The following SPACA7 variants were observed in gnomAD, a reference collection of about 807,000 sequenced individuals.
The protein encoded by SPACA7 is sperm acrosome associated 7, also known as sperm acrosome-associated protein 7.
SPACA7 carries 19 observed loss-of-function variants against 26.3 expected under a neutral mutation model. The ratio of observed to expected loss-of-function variants is 0.72; its 90% CI spans 0.50 to 1.06. SPACA7 has a LOEUF of 1.06. Among genes scored for constraint, SPACA7 ranks in the 50% least tolerant of loss-of-function variants. The pLI is 0.00. For synonymous variants in SPACA7, 84 were observed against 84.5 expected, an observed-to-expected ratio of 0.99 and a Z score of 0.04; for missense variants, 211 against 229.9, an observed-to-expected ratio of 0.92 and a Z score of 0.53.
At chr13:112,400,969 G>A in intron 4 of SPACA7, 100 bp from the exon 5 acceptor site, 1 of 810,988 alleles carries the variant, frequency 1.2e-6, no homozygotes, top group Non-Finnish European at 2.0e-6. Context: ...AATGATATTA[G>A]CATCTCAACT....
chr13:112,397,876 C>A (rs1885379500), intron 2 of SPACA7, among the ~76,000 whole-genome samples, 173 bp from the exon 3 acceptor site: 3 of 151,910 alleles, frequency 2.0e-5, no homozygotes, highest in Admixed American at 2.0e-4. Context: ...GCCTGCCCAC[C>A]CAGAGAAGGT....
intron 1 of SPACA7, among the ~76,000 whole-genome samples, chr13:112,379,052 A>G (rs1178139034): frequency 1.3e-5 from 2 of 152,368 alleles, no homozygotes; most frequent in South Asian, 2.1e-4. Context: ...CCGGAAGCAG[A>G]GAGTTCTTTA....
intron 5 of SPACA7, among the ~76,000 whole-genome samples, chr13:112,427,929 A>G (rs188583982): frequency 4.6e-5 from 7 of 152,282 alleles, no homozygotes; most frequent in Admixed American, 3.9e-4. Flanking sequence ...TAAAAATCCT[A>G]TCAGTCTGAT....
At position 112,393,092 on chromosome 13, in the gene SPACA7, C is replaced by A. The variant is rs766146804; in HGVS notation, c.151+15C>A. The A allele has an allele frequency of 6.2e-7, 1 of 1,609,984 alleles. No homozygotes were observed. Among genetic ancestry groups the A allele is most frequent in the East Asian group, 2.2e-5 (1 of 44,854 alleles). ...TGAATTATTAGGTAAGGAAGCCCCT[C>A]CTATCAACCTCTGGCCTGTACGTGA... is the stretch of plus-strand genomic sequence containing the variant. On this transcript the variant is annotated intron_variant, in intron 2 of 6. Coordinates refer to ENST00000283550, the MANE Select transcript of SPACA7 (RefSeq NM_145248.5).
intron 1 of SPACA7, among the ~76,000 whole-genome samples, chr13:112,391,190 A>T (rs1884865842): frequency 6.6e-6 from 1 of 152,210 alleles, no homozygotes; most frequent in Non-Finnish European, 1.5e-5. Context: ...CCAAGATCTG[A>T]TTTCCTCATC....
intron 5 of SPACA7, among the ~76,000 whole-genome samples, chr13:112,411,131 A>ACG (rs1378125274): frequency 8.9e-4 from 15 of 16,814 alleles, no homozygotes; most frequent in Middle Eastern, 0.036. Flanking sequence ...TACATTTGCT[A>ACG]TGTTTTTTTT....
At chr13:112,382,411 T>C (rs1269798444) in intron 1 of SPACA7, 26 of 1,546,480 alleles carry the variant, frequency 1.7e-5, no homozygotes, top group Non-Finnish European at 2.2e-5. Context: ...AACACCTTAA[T>C]CTTCAGGTGC....
chr13:112,427,953 A>G (rs1405097765), intron 5 of SPACA7, among the ~76,000 whole-genome samples: 1 of 152,158 alleles, frequency 6.6e-6, no homozygotes, highest in Non-Finnish European at 1.5e-5. Flanking sequence ...AGGTTCATCC[A>G]TTTTATTGAT....
chr13:112,376,571 C>T, intron 1 of SPACA7, 92 bp downstream of exon 1: 4 of 1,336,642 alleles, frequency 3.0e-6, no homozygotes, highest in Non-Finnish European at 4.1e-6. Context: ...TTATTCCCAA[C>T]CTACATGAAT....
At chr13:112,392,094 C>T (rs1459419765) in intron 1 of SPACA7, among the ~76,000 whole-genome samples, 1 of 152,178 alleles carries the variant, frequency 6.6e-6, no homozygotes, top group Non-Finnish European at 1.5e-5. Flanking sequence ...AGGTGTGTGG[C>T]CCTGCTGAGC....
At chr13:112,414,658 G>A (rs112304534) in intron 5 of SPACA7, among the ~76,000 whole-genome samples, 5,069 of 151,970 alleles carry the variant, frequency 0.033, 96 homozygotes, top group Middle Eastern at 0.068. Context: ...TGATCTGCCC[G>A]TTCTTGGCTT....
chr13:112,386,777 A>G (rs1053430622), intron 1 of SPACA7, among the ~76,000 whole-genome samples: 6 of 152,236 alleles, frequency 3.9e-5, no homozygotes, highest in Non-Finnish European at 8.8e-5. Context: ...TGCTCTTTAA[A>G]AAAGAAATCC....
intron 5 of SPACA7, among the ~76,000 whole-genome samples, chr13:112,425,987 A>ATGT (rs1414069636): frequency 6.6e-6 from 1 of 152,222 alleles, no homozygotes; most frequent in African/African-American, 2.4e-5. Flanking sequence ...CTGTGTTCAT[A>ATGT]TGTTTAGTCA....
intron 2 of SPACA7, among the ~76,000 whole-genome samples, chr13:112,394,101 C>T (rs1270980080): frequency 1.3e-5 from 2 of 152,138 alleles, no homozygotes; most frequent in East Asian, 1.9e-4. Flanking sequence ...CTTTCCATCA[C>T]ACTGGCTCTC....
At chr13:112,380,446 A>G (rs2138854571) in intron 1 of SPACA7, among the ~76,000 whole-genome samples, 1 of 152,012 alleles carries the variant, frequency 6.6e-6, no homozygotes, top group Admixed American at 6.5e-5. Flanking sequence ...ATAATTCAAC[A>G]AAACTTTGGC....
In SPACA7 at chr13:112,376,436, CT is replaced by C. The variant is rs745743953; in HGVS notation, c.52del (p.Cys18ValfsTer12). 2.7e-5 allele frequency: 44 copies of C among 1,613,830 alleles called. No homozygotes were observed. The highest frequency in any genetic ancestry group is 1.6e-4 in the Middle Eastern group (1 of 6,062). ...GTLCFVLLLCCWQETELRPRT... is the reference protein window; with the variant it reads ...GTLCFVLLLCXWQETELRPRT... ...CCCTCTGCTTTGTCCTCCTGCTGTGCTGTTGGCAAGAAACTGAGCTCCGGCC... is the reference window on the plus strand; with the variant it reads ...CCCTCTGCTTTGTCCTCCTGCTGTGCGTTGGCAAGAAACTGAGCTCCGGCC... On this transcript the variant is annotated frameshift_variant, in exon 1 of 7. Transcript: ENST00000283550. LOFTEE classifies it high-confidence loss of function.
chr13:112,396,633 G>T (rs1170994177), intron 2 of SPACA7, among the ~76,000 whole-genome samples: 2 of 152,184 alleles, frequency 1.3e-5, no homozygotes, highest in African/African-American at 4.8e-5. Context: ...CTATCTCACT[G>T]GACACCATGA....
At chr13:112,380,359 C>G (rs1883967457) in intron 1 of SPACA7, among the ~76,000 whole-genome samples, 1 of 143,702 alleles carries the variant, frequency 7.0e-6, no homozygotes, top group South Asian at 2.2e-4. Context: ...GAGCCAAGAT[C>G]ACGCCATTGC....
intron 4 of SPACA7, among the ~76,000 whole-genome samples, chr13:112,399,848 A>G (rs1885523207): frequency 6.6e-6 from 1 of 152,186 alleles, no homozygotes; most frequent in Non-Finnish European, 1.5e-5. Flanking sequence ...GCCCTCAGGA[A>G]ACTTACAATC....
Sources: allele counts gnomAD v4.1 joint callset (sites outside exome capture counted in the v4.1 genomes callset), GRCh38; gene constraint gnomAD v4.1.1; transcripts MANE v1.5; gene names NCBI Gene and HGNC (gene_info 2026-07-23, HGNC 2026-07-21).